The following USPL1 variants were observed in gnomAD, a reference collection of about 807,000 sequenced individuals.
USPL1 encodes the protein SUMO-specific isopeptidase USPL1.
USPL1 carries 27 observed loss-of-function variants against 51.5 expected under a neutral mutation model. The observed-to-expected ratio is 0.52, with a 90% CI of 0.39 to 0.72. The LOEUF (loss-of-function observed/expected upper bound fraction) is 0.72. Among genes scored for constraint, USPL1 ranks in the 30% least tolerant of loss-of-function variants. The pLI, the probability that USPL1 is intolerant of heterozygous loss-of-function variation, is 0.00. For synonymous variants in USPL1, 451 were observed against 459.6 expected (o/e 0.98, Z 0.24); for missense variants, 1,226 against 1,268.0 (o/e 0.97, Z 0.50).
At chr13:30,638,742 TTC>T (rs201521572) in intron 5 of USPL1, among the ~76,000 whole-genome samples, 2,608 of 151,722 alleles carry the variant, frequency 0.017, 28 homozygotes, top group Non-Finnish European at 0.025. Flanking sequence ...CTTCTAGTTT[TTC>T]TCTCAATGAG....
rs751791603 is a variant in USPL1 at position 30,658,950 on chromosome 13, C to T, written c.2873C>T (p.Pro958Leu). ...IASESACTTVPGVSLYSSQTH... is the reference protein window; with the variant it reads ...IASESACTTVLGVSLYSSQTH... ...AGTGAGTCTGCATGCACCACTGTTC[C>T]TGGTGTTTCCCTGTACAGTAGTCAA... Residue 958 changes from proline (P) to leucine (L), a missense_variant, in exon 9 of 9, where the codon CCT (proline) becomes CTT (leucine). Physicochemically the swap from Pro to Leu is moderately conservative, Grantham distance 98 (BLOSUM62 -3). Coordinates refer to ENST00000255304, the MANE Select transcript of USPL1 (RefSeq NM_005800.5). 47 of 1,614,036 alleles carry T rather than the reference C, an allele frequency of 2.9e-5. 1 individual carries two copies. In the South Asian group the frequency reaches 5.2e-4, roughly 18 times the overall value.
intron 7 of USPL1, among the ~76,000 whole-genome samples, chr13:30,651,259 GA>G (rs914188852): frequency 2.6e-5 from 4 of 152,110 alleles, no homozygotes; most frequent in Non-Finnish European, 5.9e-5. Context: ...TGCTGGTTAA[GA>G]AAATCAAATT....
intron 8 of USPL1, among the ~76,000 whole-genome samples, chr13:30,653,937 G>C (rs1951125487): frequency 2.0e-5 from 3 of 152,052 alleles, no homozygotes; most frequent in Admixed American, 2.0e-4. Context: ...ACCATTTTCT[G>C]TTATTTAGAC....
Position 30,659,073 on chromosome 13 carries a change from G to C in USPL1, c.2996G>C (p.Gly999Ala). 6.2e-7 allele frequency: 1 copy of C among 1,614,124 alleles called. No homozygotes were observed. Among genetic ancestry groups the C allele is most frequent in the South Asian group, 1.1e-5 (1 of 91,064 alleles). Residue 999 changes from glycine to alanine, a missense_variant, in exon 9 of 9, where the codon GGA becomes GCA. Gly to Ala is a moderately conservative substitution (Grantham distance 60, BLOSUM62 0). Transcript: ENST00000255304. ...GEGDFRYLGM[G>A]DSHIPPPVPS... Reference sequence around the variant, plus strand: ...GGTGACTTTAGGTATTTGGGAATGGGAGATAGTCATATCCCACCACCAGTA... The same window carrying C: ...GGTGACTTTAGGTATTTGGGAATGGCAGATAGTCATATCCCACCACCAGTA...
In USPL1 at chr13:30,652,589, G is replaced by A. The variant is rs115652447; in HGVS notation, c.1239-559G>A. Among the ~76,000 whole-genome samples, 229 of 152,248 alleles carry A rather than the reference G, an allele frequency of 1.5e-3. 1 individual carries two copies. The highest frequency in any genetic ancestry group is 5.1e-3 in the African/African-American group (214 of 41,558). Reference sequence around the variant, plus strand: ...TTAATAATAAATTGACCAATATGTTGTATTTTTTTCTCTACTTAGTTACAA... The same window carrying A: ...TTAATAATAAATTGACCAATATGTTATATTTTTTTCTCTACTTAGTTACAA... On this transcript the variant is annotated intron_variant, in intron 7 of 8. Transcript: ENST00000255304.
Position 30,658,707 on chromosome 13 carries a change from A to G in USPL1, c.2630A>G (p.His877Arg). Residue 877 changes from histidine (H) to arginine (R), a missense_variant, in exon 9 of 9, where the codon CAT (histidine) becomes CGT (arginine). Physicochemically the swap from His to Arg is conservative, Grantham distance 29. Transcript: ENST00000255304. Reference protein sequence around the residue: ...SYGNGISSANHEDLVEGQIHK... With the variant: ...SYGNGISSANREDLVEGQIHK... ...GGGAATGGTATTTCTTCAGCAAACC[A>G]TGAAGACTTGGTGGAAGGTCAGATT... 5.0e-6 allele frequency: 8 copies of G among 1,614,256 alleles called. No homozygotes were observed. The highest frequency in any genetic ancestry group is 6.8e-6 in the Non-Finnish European group (8 of 1,180,054).
In USPL1 at chr13:30,659,300, G is replaced by C; in HGVS notation, c.3223G>C (p.Ala1075Pro). The change falls in exon 9 of 9, where the codon GCA (alanine) becomes CCA (proline). Residue 1075 changes from alanine to proline, a missense_variant. Ala to Pro is a conservative substitution (Grantham distance 27, BLOSUM62 -1). Coordinates refer to ENST00000255304, the MANE Select transcript of USPL1 (RefSeq NM_005800.5). ...FFSSSALNAL[A>P]NDTLDLPHFD... is the part of the protein sequence containing the mutation. The stretch of plus-strand genomic sequence containing the variant: ...TTCCTCCTCAGCATTAAATGCTTTA[G>C]CAAATGACACATTAGACCTACCTCA... 6.2e-7 allele frequency: 1 copy of C among 1,613,770 alleles called. No homozygotes were observed.
chr13:30,630,170 C>T (rs975909718), intron 3 of USPL1, among the ~76,000 whole-genome samples: 6 of 151,962 alleles, frequency 3.9e-5, no homozygotes, highest in African/African-American at 1.5e-4. Flanking sequence ...TAAAAGCAGA[C>T]CTTTAGTGTA....
At chr13:30,632,906 G>A (rs1593369912) in intron 4 of USPL1, among the ~76,000 whole-genome samples, 3 of 152,102 alleles carry the variant, frequency 2.0e-5, no homozygotes, top group East Asian at 3.8e-4. Context: ...CTGTAAAATA[G>A]GATACTTATG....
At position 30,658,339 on chromosome 13, in the gene USPL1, A is replaced by G. The variant is rs761097430; in HGVS notation, c.2262A>G (p.Pro754=). The part of the protein sequence containing the change: ...NQSLKENQKK[P]FVGSWVKGLI... ...CTCTGAAAGAAAATCAGAAGAAGCC[A>G]TTTGTGGGAAGTTGGGTTAAAGGCT... is the stretch of plus-strand genomic sequence containing the variant. Residue 754 remains proline (P), a synonymous_variant, in exon 9 of 9, where the codon CCA becomes CCG. Transcript: ENST00000255304. The G allele has an allele frequency of 6.2e-7, 1 of 1,613,984 alleles. No individual in the cohort carries two copies. The highest frequency in any genetic ancestry group is 8.5e-7 in the Non-Finnish European group (1 of 1,180,012).
At chr13:30,624,916 C>T (rs1018915996) in intron 3 of USPL1, among the ~76,000 whole-genome samples, 8 of 152,274 alleles carry the variant, frequency 5.3e-5, no homozygotes, top group Admixed American at 1.3e-4. Flanking sequence ...TGTGATCCTC[C>T]TTATTTTCCT....
At chr13:30,622,249 TG>T (rs1351059749) in intron 3 of USPL1, among the ~76,000 whole-genome samples, 2 of 152,178 alleles carry the variant, frequency 1.3e-5, no homozygotes, top group Non-Finnish European at 2.9e-5. Context: ...GAATTTCTAA[TG>T]TACCTGGAAG....
In USPL1 at chr13:30,637,703, A is replaced by G. The variant is rs376022257; in HGVS notation, c.869-41A>G. ...GTGTCAGTTTTCTGTGGGAAGATAT[A>G]CATTGATGAGGAATTGATAATGTTC... On this transcript the variant is annotated intron_variant, in intron 4 of 8. Coordinates refer to ENST00000255304, the MANE Select transcript of USPL1 (RefSeq NM_005800.5). The G allele has an allele frequency of 3.1e-5, 46 of 1,464,118 alleles. No homozygotes were observed. In the Middle Eastern group the frequency reaches 1.2e-3, roughly 39 times the overall value. 90.7% of individuals were successfully genotyped at this position (1,464,118 alleles called of 1,614,324 possible). A position where few individuals can be genotyped will look rare whatever the true frequency, so the allele number is the denominator to read the frequency against.
At chr13:30,646,289 C>T (rs1211662569) in intron 6 of USPL1, among the ~76,000 whole-genome samples, 9 of 151,746 alleles carry the variant, frequency 5.9e-5, no homozygotes, top group Non-Finnish European at 1.2e-4. Flanking sequence ...GACTAAAGTG[C>T]AAATTTAGAA....
At chr13:30,645,719 G>A (rs767720636) in intron 6 of USPL1, among the ~76,000 whole-genome samples, 6 of 152,200 alleles carry the variant, frequency 3.9e-5, no homozygotes, top group Non-Finnish European at 8.8e-5. Context: ...AACTTGGAAA[G>A]TGTAACCCAG....
At chr13:30,640,461 G>A (rs1156977324) in intron 5 of USPL1, among the ~76,000 whole-genome samples, 2 of 152,198 alleles carry the variant, frequency 1.3e-5, no homozygotes, top group Admixed American at 6.5e-5. Flanking sequence ...AGGCCGAGGC[G>A]GGTGGATCAC....
At chr13:30,627,320 A>G (rs1421295722) in intron 3 of USPL1, among the ~76,000 whole-genome samples, 1 of 152,182 alleles carries the variant, frequency 6.6e-6, no homozygotes, top group Non-Finnish European at 1.5e-5. Flanking sequence ...ACAAAATTTT[A>G]TAAAAAGAAA....
chr13:30,627,321 TA>T (rs1380683162), intron 3 of USPL1, among the ~76,000 whole-genome samples: 1 of 151,986 alleles, frequency 6.6e-6, no homozygotes, highest in Non-Finnish European at 1.5e-5. Context: ...CAAAATTTTA[TA>T]AAAAGAAAAA....
chr13:30,651,999 T>G (rs6490475), intron 7 of USPL1, among the ~76,000 whole-genome samples: 1 of 151,992 alleles, frequency 6.6e-6, no homozygotes, highest in East Asian at 1.9e-4. Context: ...CTAAAGCCTG[T>G]GTGTCTCGCT....
Sources: allele counts gnomAD v4.1 joint callset (sites outside exome capture counted in the v4.1 genomes callset), GRCh38; gene constraint gnomAD v4.1.1; transcripts MANE v1.5; gene names NCBI Gene and HGNC (gene_info 2026-07-23, HGNC 2026-07-21).